WDFY4: variants seen among roughly 807,000 people sequenced by gnomAD.
WDFY4 encodes WD repeat- and FYVE domain-containing protein 4.
In WDFY4, 169 loss-of-function variants were observed where a neutral mutation model predicts 351.9. The ratio of observed to expected loss-of-function variants is 0.48; its 90% CI spans 0.42 to 0.55. The LOEUF is 0.55. Among genes scored for constraint, WDFY4 ranks in the 20% least tolerant of loss-of-function variants. WDFY4 has a pLI of 0.00. For missense variants in WDFY4, 3,803 were observed against 3,935.6 expected (o/e 0.97, Z 0.90); for synonymous variants, 1,622 against 1,574.6 (o/e 1.03, Z -0.71).
chr10:48,698,791 C>T (rs193287416), intron 1 of WDFY4, among the ~76,000 whole-genome samples: 72 of 152,244 alleles, frequency 4.7e-4, no homozygotes, highest in African/African-American at 1.6e-3. Context: ...CTGTATCCGC[C>T]GAGGCTCTCC....
chr10:48,824,101 A>G (rs1213604588), intron 35 of WDFY4: 1 of 985,328 alleles, frequency 1.0e-6, no homozygotes, highest in African/African-American at 1.7e-5. Flanking sequence ...CTAAGGCTAC[A>G]AATCAGGGTC....
At chr10:48,805,914 TG>T in intron 26 of WDFY4, 89 bp from the exon 27 acceptor site, 1 of 1,032,464 alleles carries the variant, frequency 9.7e-7, no homozygotes. Flanking sequence ...CAGCTGCACG[TG>T]GGTGGGTCTA....
chr10:48,837,771 T>C (rs2068453208), intron 39 of WDFY4, among the ~76,000 whole-genome samples: 1 of 152,078 alleles, frequency 6.6e-6, no homozygotes. Context: ...GGTGGGAGCC[T>C]CTCTGGGCAG....
intron 34 of WDFY4, among the ~76,000 whole-genome samples, chr10:48,821,740 C>T (rs550952327): frequency 6.6e-6 from 1 of 152,346 alleles, no homozygotes; most frequent in African/African-American, 2.4e-5. Context: ...CTGGACTTCT[C>T]CTTGCCTCCT....
chr10:48,782,488 C>T (rs149364462), intron 19 of WDFY4, among the ~76,000 whole-genome samples: 145 of 152,254 alleles, frequency 9.5e-4, no homozygotes, highest in African/African-American at 3.1e-3. Context: ...ATCCTCCCTG[C>T]GGGACCTGCT....
At chr10:48,973,607 A>G (rs991175116) in intron 57 of WDFY4, among the ~76,000 whole-genome samples, 1 of 152,234 alleles carries the variant, frequency 6.6e-6, no homozygotes, top group Non-Finnish European at 1.5e-5. Context: ...CCTCCGGCTG[A>G]GTCCAGGTGA....
At chr10:48,881,488 C>T (rs571855274) in intron 43 of WDFY4, among the ~76,000 whole-genome samples, 1 of 152,268 alleles carries the variant, frequency 6.6e-6, no homozygotes, top group East Asian at 1.9e-4. Context: ...GGGGTTCCTG[C>T]AGAGTGCCAA....
At chr10:48,848,408 C>T (rs770678366) in intron 39 of WDFY4, among the ~76,000 whole-genome samples, 1 of 152,224 alleles carries the variant, frequency 6.6e-6, no homozygotes. Flanking sequence ...CACCCGTTTA[C>T]TGGATCCTTT....
At chr10:48,928,086 A>G (rs1209913237) in intron 47 of WDFY4, among the ~76,000 whole-genome samples, 1 of 152,184 alleles carries the variant, frequency 6.6e-6, no homozygotes, top group African/African-American at 2.4e-5. Context: ...CTATTGCCAG[A>G]CAGGTGTTAT....
chr10:48,966,650 G>A lies in WDFY4; in HGVS notation c.8561G>A (p.Arg2854Lys), dbSNP rs768848066. The change falls in exon 55 of 62, where the codon AGG (arginine) becomes AAG (lysine). Residue 2854 changes from arginine to lysine, a missense_variant. Coordinates refer to ENST00000325239, the MANE Select transcript of WDFY4 (RefSeq NM_001394531.1). ...TTTTTCTACAGCCTGCAGTCGCTGA[G>A]GCCCTCCCAGGTCACGGTCAAAGGT... Reference protein sequence around the residue: ...QPFFYSLQSLRPSQVTVKDMY... With the variant: ...QPFFYSLQSLKPSQVTVKDMY... 32 of 1,551,582 alleles carry A rather than the reference G, an allele frequency of 2.1e-5. No homozygotes were observed. Among genetic ancestry groups the A allele is most frequent in the Non-Finnish European group, 2.7e-5 (31 of 1,147,000 alleles).
At chr10:48,800,302 C>A (rs761985661) in intron 24 of WDFY4, among the ~76,000 whole-genome samples, 1 of 152,210 alleles carries the variant, frequency 6.6e-6, no homozygotes, top group African/African-American at 2.4e-5. Context: ...GAGACACATC[C>A]TCAGAGGGTT....
chr10:48,772,218 G>A (rs866019488), intron 13 of WDFY4, among the ~76,000 whole-genome samples: 4 of 151,980 alleles, frequency 2.6e-5, no homozygotes, highest in East Asian at 1.9e-4. Context: ...AGGAGGATGC[G>A]CTCACAGCAA....
chr10:48,957,599 C>G (rs541457566), intron 52 of WDFY4, among the ~76,000 whole-genome samples: 1 of 152,354 alleles, frequency 6.6e-6, no homozygotes, highest in South Asian at 2.1e-4. Context: ...CCTGGCACTG[C>G]CTTTCTGCCT....
chr10:48,971,080 C>T (rs1842317276), intron 57 of WDFY4, among the ~76,000 whole-genome samples: 1 of 152,182 alleles, frequency 6.6e-6, no homozygotes. Flanking sequence ...CACAAAACCC[C>T]ATGCGCTCTC....
intron 13 of WDFY4, among the ~76,000 whole-genome samples, chr10:48,771,374 G>A (rs1277737736): frequency 6.6e-6 from 1 of 152,198 alleles, no homozygotes; most frequent in African/African-American, 2.4e-5. Flanking sequence ...GTGACTCTGA[G>A]CAAGAGTCAT....
chr10:48,790,932 C>G lies in WDFY4; in HGVS notation c.4257+15C>G. 1 of 1,551,190 alleles carries G rather than the reference C, an allele frequency of 6.4e-7. No homozygotes were observed. The highest frequency in any genetic ancestry group is 8.7e-7 in the Non-Finnish European group (1 of 1,146,602). ...GTGGGTACCAGGTAATCCCATCCTC[C>G]CACCTGGAACTGAGACTCCTGAAAG... On this transcript the variant is annotated intron_variant, in intron 23 of 61. Transcript: ENST00000325239.
At chr10:48,920,220 C>T (rs1459475148) in intron 47 of WDFY4, among the ~76,000 whole-genome samples, 3 of 152,018 alleles carry the variant, frequency 2.0e-5, no homozygotes, top group South Asian at 4.2e-4. Context: ...AATAGAAAGG[C>T]CCTTCCTTAT....
intron 47 of WDFY4, among the ~76,000 whole-genome samples, chr10:48,938,525 C>T (rs1262286129): frequency 6.6e-6 from 1 of 152,246 alleles, no homozygotes; most frequent in Non-Finnish European, 1.5e-5. Context: ...CTGGCTCCTT[C>T]CTCTCTGCCA....
At chr10:48,822,935 A>G (rs2067874062) in intron 35 of WDFY4, among the ~76,000 whole-genome samples, 1 of 152,194 alleles carries the variant, frequency 6.6e-6, no homozygotes, top group Non-Finnish European at 1.5e-5. Flanking sequence ...TTCTTCTTTA[A>G]TACTCACTCT....
Sources: gnomAD v4.1 joint callset for allele counts (sites outside exome capture counted in the v4.1 genomes callset) on GRCh38, gnomAD v4.1.1 for gene constraint, MANE v1.5 for transcripts, NCBI Gene and HGNC (gene_info 2026-07-23, HGNC 2026-07-21) for gene names.